Variants in GALNT17 observed in about 807,000 individuals in gnomAD.
GALNT17 encodes the protein polypeptide N-acetylgalactosaminyltransferase 17.
GALNT17 carries 29 observed loss-of-function variants against 63.7 expected under a neutral mutation model. The observed-to-expected ratio is 0.46, with a 90% CI of 0.34 to 0.62. The LOEUF is 0.62. Among genes scored for constraint, GALNT17 ranks in the 20% least tolerant of loss-of-function variants. The probability of loss-of-function intolerance (pLI) is 0.01; values close to 1 mark genes in which losing one functional copy is unlikely to be tolerated. For synonymous variants in GALNT17, 305 were observed against 318.3 expected (o/e 0.96, Z 0.45); for missense variants, 603 against 799.6 (o/e 0.75, Z 2.97).
chr7:71,253,166 T>C (rs1265206344), intron 1 of GALNT17, among the ~76,000 whole-genome samples: 1 of 152,218 alleles, frequency 6.6e-6, no homozygotes, highest in East Asian at 1.9e-4. Flanking sequence ...TAGTTTGTTT[T>C]CATGCTGTTG....
At chr7:71,432,482 C>T (rs1313356970) in intron 5 of GALNT17, among the ~76,000 whole-genome samples, 1 of 152,194 alleles carries the variant, frequency 6.6e-6, no homozygotes, top group South Asian at 2.1e-4. Context: ...CATGCAAAGA[C>T]ACTCTTATCA....
chr7:71,411,475 G>A (rs1043599587), intron 3 of GALNT17, among the ~76,000 whole-genome samples: 3 of 152,124 alleles, frequency 2.0e-5, no homozygotes, highest in Admixed American at 2.0e-4. Flanking sequence ...TTCCATGGGA[G>A]CCTGGGGGCC....
At chr7:71,592,538 A>G (rs147201326) in intron 6 of GALNT17, among the ~76,000 whole-genome samples, 1,034 of 3,942 alleles carry the variant, frequency 0.26, 16 homozygotes, top group South Asian at 0.39. Flanking sequence ...AAATAAAATA[A>G]AATAAAATAG....
At chr7:71,499,972 G>A (rs1242069319) in intron 5 of GALNT17, among the ~76,000 whole-genome samples, 1 of 152,140 alleles carries the variant, frequency 6.6e-6, no homozygotes, top group Non-Finnish European at 1.5e-5. Context: ...CACTTCTCCT[G>A]CTATCCTGTG....
chr7:71,296,714 A>AC (rs1378458316), intron 1 of GALNT17, among the ~76,000 whole-genome samples: 12 of 150,932 alleles, frequency 8.0e-5, no homozygotes, highest in South Asian at 2.1e-4. Flanking sequence ...GAAAAAAAAA[A>AC]CGTGTTTTTT....
intron 6 of GALNT17, among the ~76,000 whole-genome samples, chr7:71,659,689 A>G (rs965956613): frequency 2.0e-5 from 3 of 152,250 alleles, no homozygotes; most frequent in African/African-American, 7.2e-5. Flanking sequence ...GAGGGGAAAT[A>G]GGTTCAGCCT....
chr7:71,473,782 A>G (rs1787680464), intron 5 of GALNT17, among the ~76,000 whole-genome samples: 1 of 152,148 alleles, frequency 6.6e-6, no homozygotes, highest in East Asian at 1.9e-4. Context: ...CAGGGACTCA[A>G]TTTTATAATC....
At chr7:71,631,155 G>A (rs1790447799) in intron 6 of GALNT17, among the ~76,000 whole-genome samples, 1 of 151,936 alleles carries the variant, frequency 6.6e-6, no homozygotes, top group South Asian at 2.1e-4. Flanking sequence ...ACATTGTGGT[G>A]TAAGGAAGTG....
At chr7:71,407,114 G>A (rs925925473) in intron 3 of GALNT17, among the ~76,000 whole-genome samples, 14 of 152,150 alleles carry the variant, frequency 9.2e-5, no homozygotes, top group African/African-American at 3.4e-4. Context: ...GCATCTGGGA[G>A]GGCCCAGGGT....
chr7:71,201,696 C>T (rs570163730), intron 1 of GALNT17, among the ~76,000 whole-genome samples: 1 of 150,520 alleles, frequency 6.6e-6, no homozygotes, highest in Admixed American at 6.6e-5. Context: ...AAATGGCATG[C>T]TTTCGGCTCA....
chr7:71,649,300 A>G (rs140957747), intron 6 of GALNT17, among the ~76,000 whole-genome samples: 2 of 152,260 alleles, frequency 1.3e-5, no homozygotes, highest in East Asian at 3.9e-4. Context: ...ACCAGTTTCA[A>G]TTTTCCATTG....
chr7:71,328,000 G>A (rs1333396120), intron 1 of GALNT17, among the ~76,000 whole-genome samples: 1 of 152,154 alleles, frequency 6.6e-6, no homozygotes, highest in Non-Finnish European at 1.5e-5. Flanking sequence ...CCCAAAGCCA[G>A]GGGGGCAGGT....
At chr7:71,238,168 ACT>A (rs949475685) in intron 1 of GALNT17, among the ~76,000 whole-genome samples, 3 of 151,960 alleles carry the variant, frequency 2.0e-5, no homozygotes, top group African/African-American at 7.3e-5. Context: ...GAGCAGCCAC[ACT>A]CTCTCTCTGA....
intron 5 of GALNT17, among the ~76,000 whole-genome samples, chr7:71,442,860 G>A (rs779806819): frequency 1.3e-5 from 2 of 152,162 alleles, no homozygotes; most frequent in African/African-American, 2.4e-5. Flanking sequence ...TGCATGGGAG[G>A]TCCTTTATAC....
intron 3 of GALNT17, among the ~76,000 whole-genome samples, chr7:71,391,426 C>T (rs755515298): frequency 3.9e-5 from 6 of 152,134 alleles, no homozygotes; most frequent in Non-Finnish European, 7.3e-5. Flanking sequence ...GTGTATTAGT[C>T]CCTTTTGTGT....
intron 2 of GALNT17, among the ~76,000 whole-genome samples, chr7:71,356,792 A>T (rs534766898): frequency 8.6e-5 from 13 of 152,000 alleles, no homozygotes; most frequent in African/African-American, 1.7e-4. Context: ...GCATATATAT[A>T]TATTTTTTAG....
At chr7:71,644,965 T>A (rs1276404284) in intron 6 of GALNT17, among the ~76,000 whole-genome samples, 1 of 152,124 alleles carries the variant, frequency 6.6e-6, no homozygotes, top group Non-Finnish European at 1.5e-5. Context: ...CTGTGGCTCC[T>A]CCATCATCAA....
intron 3 of GALNT17, among the ~76,000 whole-genome samples, chr7:71,410,841 C>G (rs1459656984): frequency 6.6e-6 from 1 of 152,092 alleles, no homozygotes; most frequent in Non-Finnish European, 1.5e-5. Flanking sequence ...AGGCAGTGTT[C>G]GCTTCTCCCC....
chr7:71,502,104 G>A (rs1788189647), intron 5 of GALNT17, among the ~76,000 whole-genome samples: 1 of 152,074 alleles, frequency 6.6e-6, no homozygotes. Context: ...AACATACGCA[G>A]GCTCTTGCAT....
Sources: gnomAD v4.1 joint callset for allele counts (sites outside exome capture counted in the v4.1 genomes callset) on GRCh38, gnomAD v4.1.1 for gene constraint, MANE v1.5 for transcripts, NCBI Gene and HGNC (gene_info 2026-07-23, HGNC 2026-07-21) for gene names.